CNTNAP2: variants seen among roughly 807,000 people sequenced by gnomAD.
CNTNAP2 encodes contactin associated protein 2.
CNTNAP2 carries 98 observed loss-of-function variants against 155.2 expected under a neutral mutation model. The observed-to-expected ratio is 0.63, with a 90% CI of 0.54 to 0.75. The LOEUF (loss-of-function observed/expected upper bound fraction) is 0.75, where lower values mean the gene tolerates loss of function less well. Ranked by LOEUF, CNTNAP2 falls within the 30% of genes least tolerant of loss-of-function variation. CNTNAP2 has a pLI of 0.00. For missense variants in CNTNAP2, 1,727 were observed against 1,688.1 expected (o/e 1.02, Z -0.40); for synonymous variants, 651 against 631.2 (o/e 1.03, Z -0.47).
intron 1 of CNTNAP2, among the ~76,000 whole-genome samples, chr7:146,714,899 G>A (rs542910154): frequency 7.9e-5 from 12 of 152,272 alleles, no homozygotes; most frequent in South Asian, 2.1e-4. Flanking sequence ...GGTTACCAGA[G>A]GTTAGGCGCT....
intron 3 of CNTNAP2, among the ~76,000 whole-genome samples, chr7:147,033,669 C>A (rs577600789): frequency 4.3e-4 from 65 of 152,160 alleles, no homozygotes; most frequent in African/African-American, 1.5e-3. Context: ...CCACTGAACA[C>A]TGTGGTCATC....
intron 13 of CNTNAP2, among the ~76,000 whole-genome samples, chr7:147,743,740 T>C (rs1289627012): frequency 6.6e-6 from 1 of 152,098 alleles, no homozygotes; most frequent in Non-Finnish European, 1.5e-5. Context: ...TCTCGTGTGT[T>C]TTAACGTCAG....
At chr7:146,510,907 T>A (rs566302535) in intron 1 of CNTNAP2, among the ~76,000 whole-genome samples, 1 of 152,244 alleles carries the variant, frequency 6.6e-6, no homozygotes, top group Admixed American at 6.5e-5. Context: ...TCTTTTTTCT[T>A]TGTTTTTGAG....
intron 9 of CNTNAP2, among the ~76,000 whole-genome samples, chr7:147,301,686 G>C (rs1028624664): frequency 6.7e-6 from 1 of 149,188 alleles, no homozygotes; most frequent in African/African-American, 2.5e-5. Context: ...CAGCCACCTT[G>C]TTTATCTCAT....
chr7:148,356,293 CTT>C (rs951169772), intron 21 of CNTNAP2, among the ~76,000 whole-genome samples: 1 of 143,754 alleles, frequency 7.0e-6, no homozygotes, highest in Non-Finnish European at 1.5e-5. Context: ...AGCACACAAC[CTT>C]TTAACTCACT....
At chr7:146,601,302 A>C (rs1231136829) in intron 1 of CNTNAP2, among the ~76,000 whole-genome samples, 1 of 152,128 alleles carries the variant, frequency 6.6e-6, no homozygotes, top group Non-Finnish European at 1.5e-5. Context: ...AAGTATAGTA[A>C]GAAATTTGAG....
intron 3 of CNTNAP2, among the ~76,000 whole-genome samples, chr7:146,872,969 C>T (rs1795344876): frequency 6.6e-6 from 1 of 152,188 alleles, no homozygotes; most frequent in African/African-American, 2.4e-5. Flanking sequence ...TGCATTTTTA[C>T]TTATAAATAC....
At chr7:146,870,848 C>G (rs905870900) in intron 3 of CNTNAP2, among the ~76,000 whole-genome samples, 4 of 152,064 alleles carry the variant, frequency 2.6e-5, no homozygotes, top group Non-Finnish European at 4.4e-5. Context: ...AGAATTATAA[C>G]TTTCTAAACA....
rs576959555 is a variant in CNTNAP2, at chr7:147,348,903, A to G, written c.1499-46706A>G. On this transcript the variant is annotated intron_variant, in intron 9 of 23. Transcript: ENST00000361727. ...TCAGGAATAGAAAGTTCACCACCAC[A>G]TGTTCTCACTCATAAGTGCAAGCTT... 2.6e-5 allele frequency among the ~76,000 whole-genome samples: 4 copies of G among 152,144 alleles called. No homozygotes were observed. In the East Asian group the frequency reaches 7.7e-4, roughly 29 times the overall value.
At chr7:147,540,496 T>A (rs1031359664) in intron 11 of CNTNAP2, among the ~76,000 whole-genome samples, 4 of 152,230 alleles carry the variant, frequency 2.6e-5, no homozygotes, top group African/African-American at 9.6e-5. Flanking sequence ...GTTATATTTC[T>A]GTGCATTAGG....
At chr7:147,774,814 G>C (rs1402572009) in intron 13 of CNTNAP2, among the ~76,000 whole-genome samples, 1 of 151,912 alleles carries the variant, frequency 6.6e-6, no homozygotes, top group South Asian at 2.1e-4. Flanking sequence ...CACCTGAAGG[G>C]GACTAAGATA....
chr7:147,553,103 T>C (rs1044602030), intron 11 of CNTNAP2, among the ~76,000 whole-genome samples: 3 of 152,174 alleles, frequency 2.0e-5, no homozygotes, highest in Non-Finnish European at 2.9e-5. Context: ...AGTGACATTC[T>C]TGAAGGTGAG....
At chr7:147,979,660 T>A (rs565008041) in intron 15 of CNTNAP2, among the ~76,000 whole-genome samples, 5 of 152,312 alleles carry the variant, frequency 3.3e-5, no homozygotes, top group Admixed American at 3.3e-4. Context: ...TCTTGCTCTG[T>A]CGCCCAGGCT....
At chr7:147,993,826 C>G (rs1309597912) in intron 15 of CNTNAP2, among the ~76,000 whole-genome samples, 2 of 152,174 alleles carry the variant, frequency 1.3e-5, no homozygotes, top group African/African-American at 4.8e-5. Flanking sequence ...CACTGCTCCT[C>G]TAACTCCTCT....
At chr7:148,053,631 T>G (rs1289552882) in intron 15 of CNTNAP2, among the ~76,000 whole-genome samples, 2 of 152,226 alleles carry the variant, frequency 1.3e-5, no homozygotes, top group African/African-American at 4.8e-5. Flanking sequence ...AAAAGATAGA[T>G]GGCAGAAGAA....
chr7:146,263,162 C>G (rs1799944825), intron 1 of CNTNAP2, among the ~76,000 whole-genome samples: 1 of 150,744 alleles, frequency 6.6e-6, no homozygotes, highest in Admixed American at 6.6e-5. Context: ...ACCAAAGATA[C>G]AAAAAAATTA....
rs10567949 is a variant in CNTNAP2 at position 147,051,184 on chromosome 7, GTATATATATA to G, written c.550+7141_550+7150del. Among the ~76,000 whole-genome samples, 428 of 98,472 alleles carry G rather than the reference GTATATATATA, an allele frequency of 4.3e-3. 3 individuals are homozygous for G. The highest frequency in any genetic ancestry group is 0.025 in the Middle Eastern group (5 of 198). 64.6% of individuals were successfully genotyped at this position (98,472 alleles called of 152,430 possible). ...CACAATATTATATATACATATATAT[GTATATATATA>G]TATATATATAAATCATTAAGAATTT... On this transcript the variant is annotated intron_variant, in intron 4 of 23. Transcript: ENST00000361727.
At chr7:148,104,996 T>A (rs1440147636) in intron 15 of CNTNAP2, among the ~76,000 whole-genome samples, 3 of 152,206 alleles carry the variant, frequency 2.0e-5, no homozygotes, top group African/African-American at 7.2e-5. Flanking sequence ...TTTCATTTAT[T>A]CAAGAAACAC....
chr7:148,160,523 C>G (rs1335514818), intron 17 of CNTNAP2, among the ~76,000 whole-genome samples: 1 of 151,834 alleles, frequency 6.6e-6, no homozygotes, highest in Admixed American at 6.6e-5. Flanking sequence ...TGTTTGTATC[C>G]TTTTGTTTAA....
Sources: allele counts gnomAD v4.1 joint callset (sites outside exome capture counted in the v4.1 genomes callset), GRCh38; gene constraint gnomAD v4.1.1; transcripts MANE v1.5; gene names NCBI Gene and HGNC (gene_info 2026-07-23, HGNC 2026-07-21).